The following CNPY4 variants were observed in gnomAD, a reference collection of about 807,000 sequenced individuals.
The protein encoded by CNPY4 is canopy FGF signaling regulator 4.
A neutral mutation model predicts 30.1 loss-of-function variants in CNPY4; 33 were observed. That is an observed-to-expected ratio of 1.10 (90% CI 0.83 to 1.46). The LOEUF is 1.46. CNPY4 is among the 40% of genes most tolerant of loss of function. CNPY4 has a pLI of 0.00. For synonymous variants in CNPY4, 109 were observed against 110.1 expected (o/e 0.99, Z 0.06); for missense variants, 324 against 302.6 (o/e 1.07, Z -0.52).
At chr7:100,121,117 T>TATATATATATA (rs1491228284) in intron 1 of CNPY4, 16 of 35,128 alleles carry the variant, frequency 4.6e-4, no homozygotes, top group East Asian at 1.5e-3. Flanking sequence ...TATATATATA[T>TATATATATATA]TTTTTTTTTT....
At chr7:100,123,404 C>T (rs899953854) in intron 4 of CNPY4, among the ~76,000 whole-genome samples, 18 of 151,918 alleles carry the variant, frequency 1.2e-4, no homozygotes, top group Admixed American at 3.9e-4. Context: ...TGGAGTGGCT[C>T]ACAACTGTAA....
rs1797972453 is a variant in CNPY4, at chr7:100,119,813, G to A, written c.69G>A (p.Met23Ile). The stretch of plus-strand genomic sequence containing the variant: ...CCGTGCACGAGGCTTGGGCTGGGAT[G>A]TTGAAGGAGGAGGACGATGACACAG... The part of the protein sequence containing the change: ...FLAVHEAWAG[M>I]LKEEDDDTER... Residue 23 changes from methionine (M) to isoleucine (I), a missense_variant, in exon 1 of 6, where the codon ATG (methionine) becomes ATA (isoleucine). Transcript: ENST00000262932. 1.9e-6 allele frequency: 3 copies of A among 1,613,996 alleles called. No individual in the cohort carries two copies. Among genetic ancestry groups the A allele is most frequent in the Non-Finnish European group, 2.5e-6 (3 of 1,180,004 alleles).
chr7:100,119,983 G>T, intron 1 of CNPY4, 121 bp downstream of exon 1: 1 of 842,616 alleles, frequency 1.2e-6, no homozygotes, highest in South Asian at 2.0e-5. Context: ...GGGAGGTTCT[G>T]GTGGAGCTTG....
At chr7:100,120,138 G>C in intron 1 of CNPY4, 1 of 333,890 alleles carries the variant, frequency 3.0e-6, no homozygotes, top group East Asian at 6.2e-5. Flanking sequence ...CATCGGCCCG[G>C]GACTGCCAAC....
chr7:100,121,686 C>G (rs898011497), intron 1 of CNPY4, among the ~76,000 whole-genome samples: 5 of 151,540 alleles, frequency 3.3e-5, no homozygotes, highest in Non-Finnish European at 7.4e-5. Flanking sequence ...GTGATCTGCC[C>G]GCCTCAGCCT....
At chr7:100,122,616 T>C (rs564308597) in intron 3 of CNPY4, 39 bp downstream of exon 3, 1 of 1,554,252 alleles carries the variant, frequency 6.4e-7, no homozygotes, top group Non-Finnish European at 8.7e-7. Flanking sequence ...ACTTCTCAGA[T>C]ACAAAGATCT....
At chr7:100,123,365 C>CA (rs1006358320) in intron 4 of CNPY4, among the ~76,000 whole-genome samples, 5 of 147,882 alleles carry the variant, frequency 3.4e-5, no homozygotes, top group Admixed American at 6.7e-5. Flanking sequence ...AAAACAAAAA[C>CA]AAAAAAAAAG....
At position 100,119,872 on chromosome 7, in the gene CNPY4, G is replaced by A. The variant is rs761016047; in HGVS notation, c.118+10G>A. The stretch of plus-strand genomic sequence containing the variant: ...CCCAGCAAATGCGAAGGTATTTGAA[G>A]GGGGTAGCCCCTATAGGCATCGCCC... On this transcript the variant is annotated intron_variant, in intron 1 of 5. Coordinates refer to ENST00000262932, the MANE Select transcript of CNPY4 (RefSeq NM_152755.2). 6.2e-7 allele frequency: 1 copy of A among 1,610,618 alleles called. No individual in the cohort carries two copies. Among genetic ancestry groups the A allele is most frequent in the Non-Finnish European group, 8.5e-7 (1 of 1,178,298 alleles).
At chr7:100,123,598 G>T (rs1307126382) in intron 4 of CNPY4, among the ~76,000 whole-genome samples, 1 of 151,930 alleles carries the variant, frequency 6.6e-6, no homozygotes, top group Admixed American at 6.6e-5. Flanking sequence ...TCGGCTCACC[G>T]CGACCTCCGC....
Position 100,124,601 on chromosome 7 carries a change from GA to G in CNPY4, c.555del (p.Gly186ValfsTer49). On this transcript the variant is annotated frameshift_variant, in exon 5 of 6. Coordinates refer to ENST00000262932, the MANE Select transcript of CNPY4 (RefSeq NM_152755.2). LOFTEE classifies it high-confidence loss of function. ...QEQPLQNFLC[E>X]GHVLPAAETA... ...GCAGCCCCTACAAAATTTTCTCTGT[GA>G]AGGTCATGTGCTCCCAGCTGCTGAA... The G allele has an allele frequency of 6.2e-7, 1 of 1,613,402 alleles. No individual in the cohort carries two copies. Among genetic ancestry groups the G allele is most frequent in the South Asian group, 1.1e-5 (1 of 91,024 alleles).
chr7:100,122,424 G>A lies in CNPY4; in HGVS notation c.245+39G>A, dbSNP rs745931725. 87 of 1,613,896 alleles carry A rather than the reference G, an allele frequency of 5.4e-5. No homozygotes were observed. The East Asian group carries it at 7.4e-4, about 14-fold the overall frequency. Reference sequence around the variant, plus strand: ...GCTCCTCCCCTTTCCAACCCCCAACGGAGCCCTGGGAGTTCCTACAGCATC... The same window carrying A: ...GCTCCTCCCCTTTCCAACCCCCAACAGAGCCCTGGGAGTTCCTACAGCATC... On this transcript the variant is annotated intron_variant, in intron 2 of 5. Transcript: ENST00000262932.
At chr7:100,122,944 G>A (rs781560434) in intron 4 of CNPY4, 38 bp downstream of exon 4, 2 of 1,580,164 alleles carry the variant, frequency 1.3e-6, no homozygotes, top group Non-Finnish European at 1.7e-6. Context: ...GAGGTGAGAA[G>A]GGAACCTGAG....
In CNPY4 at chr7:100,124,550, G is replaced by C. The variant is rs60551236; in HGVS notation, c.502G>C (p.Gly168Arg). Residue 168 changes from glycine to arginine, a missense_variant, in exon 5 of 6, where the codon GGA (glycine) becomes CGA (arginine). By Grantham distance (125) the Gly-to-Arg change is moderately radical (BLOSUM62 -2). Coordinates refer to ENST00000262932, the MANE Select transcript of CNPY4 (RefSeq NM_152755.2). Reference sequence around the variant, plus strand: ...GTTGGAGGAGTTTGAAGACATTGTGGGAGACTGGTACTTCCACCATCAGGA... The same window carrying C: ...GTTGGAGGAGTTTGAAGACATTGTGCGAGACTGGTACTTCCACCATCAGGA... ...TMLEEFEDIV[G>R]DWYFHHQEQP... 1.5e-5 allele frequency: 24 copies of C among 1,612,474 alleles called. No individual in the cohort carries two copies. The Admixed American group carries it at 4.0e-4, about 27-fold the overall frequency.
intron 1 of CNPY4, chr7:100,121,112 A>ATTTTTTTTTTTTTTTTTTTTT (rs1798040006): frequency 3.3e-5 from 1 of 30,718 alleles, no homozygotes; most frequent in African/African-American, 1.6e-4. Flanking sequence ...ATATATATAT[A>ATTTTTTTTTTTTTTTTTTTTT]TATATTTTTT....
chr7:100,122,268 T>TC lies in CNPY4; in HGVS notation c.128_129insC (p.Leu44AlafsTer52), dbSNP rs771433160. On this transcript the variant is annotated frameshift_variant, in exon 2 of 6. Coordinates refer to ENST00000262932, the MANE Select transcript of CNPY4 (RefSeq NM_152755.2). LOFTEE classifies it high-confidence loss of function. Reference sequence around the variant, plus strand: ...TTCTCCTCCCCACCAGTGTGTAAGCTGCTGAGCACAGAGCTACAGGCGGAA... The same window carrying TC: ...TTCTCCTCCCCACCAGTGTGTAAGCTCGCTGAGCACAGAGCTACAGGCGGAA... The TC allele has an allele frequency of 5.3e-5, 86 of 1,611,054 alleles. No homozygotes were observed. Among genetic ancestry groups the TC allele is most frequent in the Non-Finnish European group, 7.0e-5 (83 of 1,178,282 alleles).
At position 100,124,779 on chromosome 7, in the gene CNPY4, CAGAA is replaced by C. The variant is rs1562940168; in HGVS notation, c.639_642del (p.Glu214GlyfsTer20). 1.2e-6 allele frequency: 2 copies of C among 1,613,394 alleles called. No individual in the cohort carries two copies. Among genetic ancestry groups the C allele is most frequent in the Non-Finnish European group, 1.7e-6 (2 of 1,179,864 alleles). On this transcript the variant is annotated frameshift_variant, in exon 6 of 6. Transcript: ENST00000262932. LOFTEE classifies it low-confidence loss of function (END_TRUNC). ...GAGATCACAGATGGGGAAGAGAAAA[CAGAA>C]GGGGAGGAAGAGCAGGAGGAGGAGG...
chr7:100,119,718 G>T lies in CNPY4; in HGVS notation c.-27G>T. 1.2e-6 allele frequency: 2 copies of T among 1,614,078 alleles called. No homozygotes were observed. Among genetic ancestry groups the T allele is most frequent in the Admixed American group, 1.7e-5 (1 of 59,974 alleles). On this transcript the variant is annotated 5_prime_UTR_variant, in exon 1 of 6. Transcript: ENST00000262932. ...ACCTTCCCGAAGTTGAAGGCAAGCG[G>T]TGATTGTTTGTAGACGGCGCTTTGT...
chr7:100,119,688 A>AC lies in CNPY4; in HGVS notation c.-56dup. 1 of 1,613,710 alleles carries AC rather than the reference A, an allele frequency of 6.2e-7. No individual in the cohort carries two copies. The highest frequency in any genetic ancestry group is 8.5e-7 in the Non-Finnish European group (1 of 1,179,862). ...AGCCGCCTGGGAATTTAAGGGACCC[A>AC]CACTACCTTCCCGAAGTTGAAGGCA... On this transcript the variant is annotated 5_prime_UTR_variant, in exon 1 of 6. Transcript: ENST00000262932.
chr7:100,124,637 C>A lies in CNPY4; in HGVS notation c.583+6C>A, dbSNP rs376839210. ...GCTCCCAGCTGCTGAAACTGGTAAGCGTAAGGGTTGAACTCCTCTCCTGCC... is the reference window on the plus strand; with the variant it reads ...GCTCCCAGCTGCTGAAACTGGTAAGAGTAAGGGTTGAACTCCTCTCCTGCC... On this transcript the variant is annotated splice_donor_region_variant and intron_variant, in intron 5 of 5. Transcript: ENST00000262932. 1 of 1,611,868 alleles carries A rather than the reference C, an allele frequency of 6.2e-7. No individual in the cohort carries two copies. Among genetic ancestry groups the A allele is most frequent in the African/African-American group, 1.3e-5 (1 of 74,664 alleles).
Sources: allele counts gnomAD v4.1 joint callset (sites outside exome capture counted in the v4.1 genomes callset), GRCh38; gene constraint gnomAD v4.1.1; transcripts MANE v1.5; gene names NCBI Gene and HGNC (gene_info 2026-07-23, HGNC 2026-07-21).